Variants in MNAT1 observed in about 807,000 individuals in gnomAD.
The protein encoded by MNAT1 is CDK-activating kinase assembly factor MAT1.
In MNAT1, 43 loss-of-function variants were observed where a neutral mutation model predicts 42.0. That is an observed-to-expected ratio of 1.02 (90% CI 0.80 to 1.32). MNAT1 has a LOEUF of 1.32. Among genes scored for constraint, MNAT1 ranks in the 40% most tolerant of loss-of-function variants. The pLI, the probability that MNAT1 is intolerant of heterozygous loss-of-function variation, is 0.00. For missense variants in MNAT1, 306 were observed against 350.4 expected (o/e 0.87, Z 1.01); for synonymous variants, 118 against 120.0 (o/e 0.98, Z 0.11).
intron 1 of MNAT1, among the ~76,000 whole-genome samples, chr14:60,757,948 G>A (rs2030428262): frequency 1.3e-5 from 2 of 152,088 alleles, no homozygotes; most frequent in East Asian, 3.9e-4. Context: ...CAAACAAAAT[G>A]TTACAATACA....
intron 6 of MNAT1, among the ~76,000 whole-genome samples, chr14:60,870,858 T>G (rs2034310486): frequency 6.6e-6 from 1 of 152,178 alleles, no homozygotes; most frequent in Admixed American, 6.5e-5. Flanking sequence ...GATGTTTTCA[T>G]CACTCCAAAG....
At chr14:60,872,760 A>C (rs1447639231) in intron 6 of MNAT1, among the ~76,000 whole-genome samples, 2 of 151,882 alleles carry the variant, frequency 1.3e-5, no homozygotes, top group African/African-American at 4.8e-5. Context: ...GTTGGAAAAT[A>C]AGACAATGAA....
At chr14:60,829,408 A>G (rs2033153872) in intron 6 of MNAT1, among the ~76,000 whole-genome samples, 1 of 152,228 alleles carries the variant, frequency 6.6e-6, no homozygotes, top group Admixed American at 6.5e-5. Flanking sequence ...AAATGAAAAC[A>G]CTGAAATATT....
chr14:60,775,502 T>C (rs2031216162), intron 1 of MNAT1, among the ~76,000 whole-genome samples: 1 of 152,180 alleles, frequency 6.6e-6, no homozygotes, highest in Non-Finnish European at 1.5e-5. Flanking sequence ...AAAATGGTTG[T>C]TGATATTAAG....
chr14:60,968,652 T>C lies in MNAT1; in HGVS notation c.*303T>C, dbSNP rs962991281. 2 of 621,884 alleles carry C rather than the reference T, an allele frequency of 3.2e-6. No individual in the cohort carries two copies. The highest frequency in any genetic ancestry group is 2.4e-6 in the Non-Finnish European group (1 of 417,936). The allele number at this position is 621,884 out of a possible 1,614,324, so 38.5% of individuals were successfully genotyped here. On this transcript the variant is annotated 3_prime_UTR_variant, in exon 8 of 8. Coordinates refer to ENST00000261245, the MANE Select transcript of MNAT1 (RefSeq NM_002431.4). ...GTTGTGACAGACTTATAAAATCTTT[T>C]TAAAAAATAAAGCTATAATTTATAT...
intron 6 of MNAT1, among the ~76,000 whole-genome samples, chr14:60,868,914 G>A (rs914614028): frequency 2.6e-5 from 4 of 151,170 alleles, no homozygotes; most frequent in African/African-American, 7.3e-5. Flanking sequence ...AATTGTTTAC[G>A]CTTAGTAAGA....
chr14:60,768,606 A>G (rs2030929687), intron 1 of MNAT1, among the ~76,000 whole-genome samples: 1 of 152,226 alleles, frequency 6.6e-6, no homozygotes, highest in Non-Finnish European at 1.5e-5. Flanking sequence ...TTATACAGAA[A>G]TGTTTACTGT....
At chr14:60,949,763 T>C (rs1477244371) in intron 7 of MNAT1, among the ~76,000 whole-genome samples, 1 of 152,190 alleles carries the variant, frequency 6.6e-6, no homozygotes, top group Non-Finnish European at 1.5e-5. Context: ...ATTAGCACAT[T>C]ACTTCTGATA....
At chr14:60,770,449 C>T (rs1188164080) in intron 1 of MNAT1, among the ~76,000 whole-genome samples, 1 of 152,122 alleles carries the variant, frequency 6.6e-6, no homozygotes, top group Non-Finnish European at 1.5e-5. Context: ...CCCAGAGGTG[C>T]TGGATCATAT....
At chr14:60,780,570 C>A in intron 1 of MNAT1, 1 of 1,514,736 alleles carries the variant, frequency 6.6e-7, no homozygotes, top group Non-Finnish European at 9.1e-7. Flanking sequence ...AGCATGGTGG[C>A]CTACAAAATT....
chr14:60,807,989 T>A (rs2032428117), intron 3 of MNAT1, among the ~76,000 whole-genome samples: 1 of 152,128 alleles, frequency 6.6e-6, no homozygotes, highest in Admixed American at 6.5e-5. Context: ...ACTTACTCTT[T>A]ATATTAAAAA....
chr14:60,918,593 A>G (rs1293126667), intron 7 of MNAT1, among the ~76,000 whole-genome samples: 2 of 151,830 alleles, frequency 1.3e-5, no homozygotes, highest in East Asian at 1.9e-4. Context: ...TAAAAAATGT[A>G]TCAACTAAAT....
intron 6 of MNAT1, among the ~76,000 whole-genome samples, chr14:60,845,775 C>A (rs920401327): frequency 6.6e-6 from 1 of 152,014 alleles, no homozygotes; most frequent in African/African-American, 2.4e-5. Context: ...TAGAATAATA[C>A]AAAATGTAGT....
chr14:60,905,992 A>T (rs1265106481), intron 7 of MNAT1, among the ~76,000 whole-genome samples: 1 of 152,244 alleles, frequency 6.6e-6, no homozygotes, highest in South Asian at 2.1e-4. Context: ...CAAATAAAGG[A>T]TAAAAGGATG....
intron 7 of MNAT1, among the ~76,000 whole-genome samples, chr14:60,962,391 T>G (rs1347528071): frequency 6.6e-6 from 1 of 152,196 alleles, no homozygotes; most frequent in Non-Finnish European, 1.5e-5. Context: ...TTCCTGTGTT[T>G]AAATGTATGT....
rs143114472 is a variant in MNAT1, at chr14:60,841,247, T to G, written c.687+22400T>G. 8.6e-3 allele frequency among the ~76,000 whole-genome samples: 1,304 copies of G among 152,070 alleles called. 23 individuals carry two copies. The highest frequency in any genetic ancestry group is 0.03 in the African/African-American group (1,240 of 41,468). On this transcript the variant is annotated intron_variant, in intron 6 of 7. Transcript: ENST00000261245. Reference sequence around the variant, plus strand: ...TTCTCTCTCACTCTCTGTCTCTCCTTTGTCTATTATTTTTCTAGTCTATAT... The same window carrying G: ...TTCTCTCTCACTCTCTGTCTCTCCTGTGTCTATTATTTTTCTAGTCTATAT...
chr14:60,940,538 C>G (rs544824803), intron 7 of MNAT1, among the ~76,000 whole-genome samples: 1 of 152,336 alleles, frequency 6.6e-6, no homozygotes, highest in Non-Finnish European at 1.5e-5. Flanking sequence ...CTGCCTCAGC[C>G]TCCCGAGTAG....
chr14:60,932,117 G>C (rs1329591237), intron 7 of MNAT1, among the ~76,000 whole-genome samples: 1 of 151,456 alleles, frequency 6.6e-6, no homozygotes, highest in African/African-American at 2.4e-5. Flanking sequence ...TTTAATTTTT[G>C]CTTGTACAAA....
At chr14:60,798,241 A>G (rs1359381664) in intron 3 of MNAT1, 81 bp downstream of exon 3, 1 of 719,712 alleles carries the variant, frequency 1.4e-6, no homozygotes, top group African/African-American at 1.8e-5. Context: ...CATCTCACAT[A>G]AAAACCTCTT....
Sources: allele counts gnomAD v4.1 joint callset (sites outside exome capture counted in the v4.1 genomes callset), GRCh38; gene constraint gnomAD v4.1.1; transcripts MANE v1.5; gene names NCBI Gene and HGNC (gene_info 2026-07-23, HGNC 2026-07-21).